Variants in STAG1 observed in about 807,000 individuals in gnomAD.
STAG1 encodes the protein cohesin subunit SA-1.
Under a neutral mutation model 170.9 loss-of-function variants are expected in STAG1, and 26 were observed. That is an observed-to-expected ratio of 0.15 (90% CI 0.11 to 0.21). The LOEUF is 0.21. Ranked by LOEUF, STAG1 falls within the 10% of genes least tolerant of loss-of-function variation. STAG1 has a pLI of 1.00. For synonymous variants in STAG1, 514 were observed against 497.7 expected (o/e 1.03, Z -0.44); for missense variants, 964 against 1,509.5 (o/e 0.64, Z 5.99).
chr3:136,633,021 C>A (rs72971493), intron 1 of STAG1, among the ~76,000 whole-genome samples: 1 of 151,458 alleles, frequency 6.6e-6, no homozygotes. Flanking sequence ...TGGGGGAGGG[C>A]GGGGAATCAC....
At chr3:136,705,352 G>A (rs571362411) in intron 1 of STAG1, among the ~76,000 whole-genome samples, 1 of 149,780 alleles carries the variant, frequency 6.7e-6, no homozygotes, top group Non-Finnish European at 1.5e-5. Flanking sequence ...GATATTAACA[G>A]AAGGAAAAAT....
At chr3:136,747,155 C>G (rs906524455) in intron 1 of STAG1, among the ~76,000 whole-genome samples, 1 of 148,016 alleles carries the variant, frequency 6.8e-6, no homozygotes, top group African/African-American at 2.5e-5. Context: ...TGCCTGCATT[C>G]CCAGCTACTC....
chr3:136,687,817 A>G (rs747292573), intron 1 of STAG1, among the ~76,000 whole-genome samples: 1 of 151,538 alleles, frequency 6.6e-6, no homozygotes, highest in Non-Finnish European at 1.5e-5. Context: ...GCTCACTGCA[A>G]CCTCCACCTC....
At chr3:136,530,437 T>C (rs1404380566) in intron 6 of STAG1, among the ~76,000 whole-genome samples, 2 of 152,154 alleles carry the variant, frequency 1.3e-5, no homozygotes, top group East Asian at 3.9e-4. Context: ...TCAGACAAAA[T>C]TGGGTGCGTT....
intron 6 of STAG1, among the ~76,000 whole-genome samples, chr3:136,527,651 G>A (rs972588544): frequency 6.6e-6 from 1 of 152,192 alleles, no homozygotes; most frequent in Non-Finnish European, 1.5e-5. Flanking sequence ...TTTGGAGGGG[G>A]AGAGGCAATC....
intron 6 of STAG1, among the ~76,000 whole-genome samples, chr3:136,526,782 G>C (rs894190111): frequency 3.3e-5 from 5 of 152,156 alleles, no homozygotes; most frequent in African/African-American, 1.2e-4. Context: ...TTGTAGGGCA[G>C]GCTTGGTGGT....
intron 1 of STAG1, chr3:136,737,234 C>A: frequency 1.6e-6 from 1 of 645,034 alleles, no homozygotes. Context: ...GCCACTTCCC[C>A]AGCCCAGCCA....
intron 1 of STAG1, among the ~76,000 whole-genome samples, chr3:136,651,978 A>G (rs916407563): frequency 6.6e-6 from 1 of 152,240 alleles, no homozygotes; most frequent in African/African-American, 2.4e-5. Flanking sequence ...AGGAAAAAGG[A>G]TAAGTGTGCC....
At chr3:136,745,841 A>G (rs1934909517) in intron 1 of STAG1, among the ~76,000 whole-genome samples, 1 of 152,286 alleles carries the variant, frequency 6.6e-6, no homozygotes, top group Admixed American at 6.5e-5. Context: ...AAACAAACAA[A>G]CAAAACAAAC....
chr3:136,531,486 A>G (rs2107928892), intron 6 of STAG1, among the ~76,000 whole-genome samples: 1 of 149,466 alleles, frequency 6.7e-6, no homozygotes, highest in East Asian at 2.0e-4. Flanking sequence ...CATTATTCAC[A>G]ATAGCAAAGA....
At chr3:136,409,763 A>T (rs1214639887) in intron 21 of STAG1, among the ~76,000 whole-genome samples, 1 of 152,330 alleles carries the variant, frequency 6.6e-6, no homozygotes, top group Admixed American at 6.5e-5. Context: ...CCATTAAAAC[A>T]ACCTAAAAAG....
chr3:136,674,146 G>GGAGA (rs1277174907), intron 1 of STAG1, among the ~76,000 whole-genome samples: 1 of 69,522 alleles, frequency 1.4e-5, no homozygotes, highest in Non-Finnish European at 3.0e-5. Flanking sequence ...AAGGAAGGAG[G>GGAGA]GAGGGAGAGA....
At chr3:136,745,378 G>A (rs1449412822) in intron 1 of STAG1, among the ~76,000 whole-genome samples, 1 of 152,116 alleles carries the variant, frequency 6.6e-6, no homozygotes, top group Non-Finnish European at 1.5e-5. Context: ...ACTACTGACT[G>A]GCAAAAAGGA....
chr3:136,606,101 T>G (rs2107810361), intron 3 of STAG1, among the ~76,000 whole-genome samples: 1 of 152,192 alleles, frequency 6.6e-6, no homozygotes, highest in Middle Eastern at 3.4e-3. Flanking sequence ...TACATATAGT[T>G]ACTCCTATAA....
chr3:136,713,663 G>C (rs1223679856), intron 1 of STAG1, among the ~76,000 whole-genome samples: 2 of 151,790 alleles, frequency 1.3e-5, no homozygotes, highest in African/African-American at 4.8e-5. Context: ...TGAGGCAGGA[G>C]AATCACTTGA....
intron 1 of STAG1, among the ~76,000 whole-genome samples, chr3:136,644,431 G>C (rs1202966502): frequency 6.6e-6 from 1 of 152,092 alleles, no homozygotes; most frequent in African/African-American, 2.4e-5. Context: ...ATATACTCCA[G>C]GGATGCCTCT....
At chr3:136,384,601 T>C (rs951842392) in intron 22 of STAG1, among the ~76,000 whole-genome samples, 1 of 151,852 alleles carries the variant, frequency 6.6e-6, no homozygotes, top group Non-Finnish European at 1.5e-5. Flanking sequence ...AAACCCCATC[T>C]CTACCAAAAA....
At chr3:136,527,156 G>C (rs1935077359) in intron 6 of STAG1, among the ~76,000 whole-genome samples, 1 of 152,194 alleles carries the variant, frequency 6.6e-6, no homozygotes, top group Admixed American at 6.5e-5. Context: ...CTAGGTTGGG[G>C]AAGTTCTCCT....
intron 22 of STAG1, among the ~76,000 whole-genome samples, chr3:136,379,071 A>T (rs997261938): frequency 6.6e-6 from 1 of 152,230 alleles, no homozygotes; most frequent in African/African-American, 2.4e-5. Flanking sequence ...TGGAAGAAGG[A>T]GCGAGTTCAT....
Sources: allele counts gnomAD v4.1 joint callset (sites outside exome capture counted in the v4.1 genomes callset), GRCh38; gene constraint gnomAD v4.1.1; transcripts MANE v1.5; gene names NCBI Gene and HGNC (gene_info 2026-07-23, HGNC 2026-07-21).